Variants in TMEM245 observed in about 807,000 individuals in gnomAD.
TMEM245 encodes transmembrane protein 245, also known as protein CG-2.
A neutral mutation model predicts 101.2 loss-of-function variants in TMEM245; 69 were observed. The ratio of observed to expected loss-of-function variants is 0.68; its 90% CI spans 0.56 to 0.83. The LOEUF is 0.83. Among genes scored for constraint, TMEM245 ranks in the 40% least tolerant of loss-of-function variants. The pLI is 0.00. For missense variants in TMEM245, 1,075 were observed against 1,092.8 expected (o/e 0.98, Z 0.23); for synonymous variants, 537 against 449.8 (o/e 1.19, Z -2.45).
chr9:109,086,135 C>T lies in TMEM245; in HGVS notation c.1321-115G>A, dbSNP rs1242912127. On this transcript the variant is annotated intron_variant, in intron 6 of 17. Transcript: ENST00000374586. ...AGCATGAGAAGGAAACCATCCCAGA[C>T]AAAGGAAAAACTAGGGACGGAAAAA... The T allele has an allele frequency of 8.0e-6, 9 of 1,131,804 alleles. No homozygotes were observed. The Admixed American group carries it at 2.1e-4, about 27-fold the overall frequency. The allele number at this position is 1,131,804 out of a possible 1,614,324, so 70.1% of individuals were successfully genotyped here. A position where few individuals can be genotyped will look rare whatever the true frequency, so the allele number is the denominator to read the frequency against.
chr9:109,071,717 A>G (rs1164675167), intron 9 of TMEM245, among the ~76,000 whole-genome samples: 1 of 152,238 alleles, frequency 6.6e-6, no homozygotes, highest in Non-Finnish European at 1.5e-5. Flanking sequence ...ATCTCAACTT[A>G]TAAGCCTAAA....
intron 10 of TMEM245, among the ~76,000 whole-genome samples, chr9:109,061,877 T>C (rs898674695): frequency 6.6e-6 from 1 of 151,064 alleles, no homozygotes; most frequent in East Asian, 2.0e-4. Flanking sequence ...CCATGAATCC[T>C]AATTTTTAGT....
At chr9:109,021,820 A>C (rs72758402) in intron 17 of TMEM245, among the ~76,000 whole-genome samples, 22,579 of 152,040 alleles carry the variant, frequency 0.15, 1,898 homozygotes, top group African/African-American at 0.2. Flanking sequence ...CCACCCCCCC[A>C]AAAAAAGCAA....
intron 11 of TMEM245, among the ~76,000 whole-genome samples, chr9:109,057,982 C>T (rs7866966): frequency 0.17 from 18,456 of 108,502 alleles, 1,515 homozygotes; most frequent in African/African-American, 0.24. Flanking sequence ...GATTTCCCAT[C>T]TTTGCTTTTT....
intron 14 of TMEM245, among the ~76,000 whole-genome samples, chr9:109,043,889 T>G (rs1469017442): frequency 6.6e-6 from 1 of 152,194 alleles, no homozygotes; most frequent in East Asian, 1.9e-4. Flanking sequence ...TACCTCTCTG[T>G]GGAATAAAAG....
chr9:109,112,085 A>C (rs1327019923), intron 1 of TMEM245, among the ~76,000 whole-genome samples: 1 of 152,202 alleles, frequency 6.6e-6, no homozygotes, highest in Non-Finnish European at 1.5e-5. Context: ...AACACTTTAG[A>C]GTTTATATTA....
In TMEM245 at chr9:109,091,141, C is replaced by A; in HGVS notation, c.931G>T (p.Gly311Ter). The A allele has an allele frequency of 6.2e-7, 1 of 1,613,700 alleles. No individual in the cohort carries two copies. The highest frequency in any genetic ancestry group is 8.5e-7 in the Non-Finnish European group (1 of 1,179,838). The change falls in exon 5 of 18, where the codon GGA becomes TGA. Residue 311 changes from glycine (G) to a stop codon, truncating the protein, a stop_gained. Transcript: ENST00000374586. LOFTEE classifies it high-confidence loss of function. ...STQPAEAVDR[G>*]ESAPTLSTSP... ...GTGGACAACGTTGGAGCGGATTCTC[C>A]CCTGTCCACTGCTTCTGAAAAGGAA...
At chr9:109,103,903 T>C (rs900275694) in intron 3 of TMEM245, among the ~76,000 whole-genome samples, 1 of 151,230 alleles carries the variant, frequency 6.6e-6, no homozygotes, top group African/African-American at 2.4e-5. Context: ...CTGGCCAACA[T>C]GGTGAAACCC....
At chr9:109,064,452 C>A (rs776485912) in intron 10 of TMEM245, 25 bp downstream of exon 10, 8 of 1,593,152 alleles carry the variant, frequency 5.0e-6, no homozygotes, top group African/African-American at 4.1e-5. Context: ...AAAGAGAAAG[C>A]CACAAAGAAA....
chr9:109,116,655 T>C (rs1162308850), intron 1 of TMEM245, among the ~76,000 whole-genome samples: 3 of 151,950 alleles, frequency 2.0e-5, no homozygotes, highest in South Asian at 2.1e-4. Context: ...GCCTCCCGAG[T>C]AGCTGGGACC....
At chr9:109,095,330 T>C (rs1049510064) in intron 3 of TMEM245, among the ~76,000 whole-genome samples, 1 of 152,116 alleles carries the variant, frequency 6.6e-6, no homozygotes, top group Admixed American at 6.5e-5. Context: ...GGGAGTATAG[T>C]AAAGGTATGA....
chr9:109,097,789 C>T (rs759782888), intron 3 of TMEM245, among the ~76,000 whole-genome samples: 63 of 152,134 alleles, frequency 4.1e-4, no homozygotes, highest in Admixed American at 6.5e-4. Context: ...GGTATGGTGG[C>T]GCATGCTTGT....
chr9:109,063,307 A>G (rs1173700792), intron 10 of TMEM245, among the ~76,000 whole-genome samples: 2 of 152,010 alleles, frequency 1.3e-5, no homozygotes, highest in Non-Finnish European at 2.9e-5. Flanking sequence ...TTTAGTAGAG[A>G]CCAGGTTTCA....
intron 5 of TMEM245, 113 bp from the exon 6 acceptor site, chr9:109,087,455 AAAG>A (rs1396612818): frequency 1.9e-6 from 2 of 1,063,680 alleles, no homozygotes; most frequent in South Asian, 1.9e-5. Flanking sequence ...CTAGTATTAA[AAAG>A]AAGATCAATG....
rs1321936639 is a variant in TMEM245 at position 109,036,117 on chromosome 9, A to G, written c.2399+89T>C. 9.9e-6 allele frequency: 11 copies of G among 1,109,692 alleles called. No homozygotes were observed. The East Asian group carries it at 2.4e-4, about 25-fold the overall frequency. 68.7% of individuals were successfully genotyped at this position (1,109,692 alleles called of 1,614,324 possible). On this transcript the variant is annotated intron_variant, in intron 16 of 17. Coordinates refer to ENST00000374586, the MANE Select transcript of TMEM245 (RefSeq NM_032012.4). Reference sequence around the variant, plus strand: ...ATTCCTACTACCAGTTCTTTTGTATACCCCCAGGAGAAAAAAATCCTCCTT... The same window carrying G: ...ATTCCTACTACCAGTTCTTTTGTATGCCCCCAGGAGAAAAAAATCCTCCTT...
chr9:109,073,326 C>T (rs1459838203), intron 9 of TMEM245, 30 bp downstream of exon 9: 2 of 1,542,752 alleles, frequency 1.3e-6, no homozygotes, highest in Non-Finnish European at 1.8e-6. Context: ...GGCCATTCAT[C>T]TCTCTTCTTT....
Position 109,119,842 on chromosome 9 carries a change from C to G in TMEM245, c.72G>C (p.Pro24=). 1 of 1,334,896 alleles carries G rather than the reference C, an allele frequency of 7.5e-7. No individual in the cohort carries two copies. The highest frequency in any genetic ancestry group is 9.5e-7 in the Non-Finnish European group (1 of 1,053,228). The allele number at this position is 1,334,896 out of a possible 1,614,324, so 82.7% of individuals were successfully genotyped here. ...RSSPGPAPRV[P]RAVGPSGGGG... ...CACCGCCACTCGGCCCGACCGCGCGCGGGACCCGCGGCGCCGGCCCGGGAG... is the reference window on the plus strand; with the variant it reads ...CACCGCCACTCGGCCCGACCGCGCGGGGGACCCGCGGCGCCGGCCCGGGAG... Residue 24 remains proline, a synonymous_variant, in exon 1 of 18, where the codon CCG becomes CCC. Transcript: ENST00000374586.
At chr9:109,091,507 C>G (rs1830006113) in intron 4 of TMEM245, among the ~76,000 whole-genome samples, 1 of 152,140 alleles carries the variant, frequency 6.6e-6, no homozygotes, top group Non-Finnish European at 1.5e-5. Flanking sequence ...ACTAGAATTT[C>G]TATATTTAAA....
chr9:109,029,012 G>A (rs576172101), intron 17 of TMEM245, among the ~76,000 whole-genome samples: 14 of 152,166 alleles, frequency 9.2e-5, no homozygotes, highest in African/African-American at 3.4e-4. Flanking sequence ...TCTGTTACAT[G>A]TCATACAAAA....
Sources: allele counts gnomAD v4.1 joint callset (sites outside exome capture counted in the v4.1 genomes callset), GRCh38; gene constraint gnomAD v4.1.1; transcripts MANE v1.5; gene names NCBI Gene and HGNC (gene_info 2026-07-23, HGNC 2026-07-21).